ACOT2: variants seen among roughly 807,000 people sequenced by gnomAD.
ACOT2 encodes acyl-coenzyme A thioesterase 2, mitochondrial.
A neutral mutation model predicts 20.1 loss-of-function variants in ACOT2; 15 were observed. That is an observed-to-expected ratio of 0.75 (90% CI 0.50 to 1.15). The LOEUF (loss-of-function observed/expected upper bound fraction) is 1.15, where lower values mean the gene tolerates loss of function less well. Among genes scored for constraint, ACOT2 ranks in the 50% most tolerant of loss-of-function variants. ACOT2 has a pLI of 0.00. For missense variants in ACOT2, 479 were observed against 615.3 expected, an observed-to-expected ratio of 0.78 and a Z score of 2.34; for synonymous variants, 252 against 268.4, an observed-to-expected ratio of 0.94 and a Z score of 0.60.
rs759855280 is a variant in ACOT2, at chr14:73,569,638, G to C, written c.398G>C (p.Ser133Thr). The C allele has an allele frequency of 1.6e-4, 259 of 1,602,856 alleles. 2 individuals are homozygous for C. The highest frequency in any genetic ancestry group is 2.0e-4 in the Non-Finnish European group (234 of 1,176,394). The change falls in exon 1 of 3, where the codon AGC (serine) becomes ACC (threonine). Residue 133 changes from serine (S) to threonine (T), a missense_variant. Physicochemically the swap from Ser to Thr is moderately conservative, Grantham distance 58. Around this residue, in one of 4 missense-constraint regions of ACOT2, gnomAD observed 400 missense variants for 395.5 expected, o/e 1.01. Transcript: ENST00000238651. ...GAGCGCGCGCCCGCGCTGGGCGGCA[G>C]CTTCGCGGGGCTTGAGCCCATGGGG... The part of the protein sequence containing the change: ...DLERAPALGG[S>T]FAGLEPMGLL...
chr14:73,570,336 T>G (rs1371981797), intron 1 of ACOT2, among the ~76,000 whole-genome samples: 1 of 151,568 alleles, frequency 6.6e-6, no homozygotes, highest in African/African-American at 2.4e-5. Flanking sequence ...TTGGGAAGTC[T>G]CGGCGGGCAG....
chr14:73,571,976 C>T (rs1239132264), intron 1 of ACOT2, among the ~76,000 whole-genome samples: 2 of 151,302 alleles, frequency 1.3e-5, no homozygotes, highest in African/African-American at 4.9e-5. Context: ...CAACAGAGTA[C>T]ATTTCACACC....
Position 73,569,380 on chromosome 14 carries a change from C to T in ACOT2, c.140C>T (p.Ser47Phe). ...AAGAGTTCGGCGCAGTTCCTGGGGTCTCCACAGCTGAGGCAGGTTGGTCAG... is the reference window on the plus strand; with the variant it reads ...AAGAGTTCGGCGCAGTTCCTGGGGTTTCCACAGCTGAGGCAGGTTGGTCAG... ...SLKSSAQFLG[S>F]PQLRQVGQII... Residue 47 changes from serine (S) to phenylalanine (F), a missense_variant, in exon 1 of 3, where the codon TCT (serine) becomes TTT (phenylalanine). Ser to Phe is a radical substitution (Grantham distance 155). Around this residue, in one of 4 missense-constraint regions of ACOT2, gnomAD observed 400 missense variants for 395.5 expected, o/e 1.01. Coordinates refer to ENST00000238651, the MANE Select transcript of ACOT2 (RefSeq NM_006821.6). 3.1e-6 allele frequency: 5 copies of T among 1,613,988 alleles called. No individual in the cohort carries two copies. The highest frequency in any genetic ancestry group is 4.2e-6 in the Non-Finnish European group (5 of 1,179,806).
chr14:73,572,668 GAC>G (rs1595170588), intron 1 of ACOT2, among the ~76,000 whole-genome samples: 1 of 120,802 alleles, frequency 8.3e-6, no homozygotes, highest in African/African-American at 3.0e-5. Context: ...TTTTTTTTGA[GAC>G]AGTGTCTCGC....
intron 1 of ACOT2, among the ~76,000 whole-genome samples, chr14:73,570,869 C>G (rs1889721139): frequency 6.8e-6 from 1 of 147,728 alleles, no homozygotes; most frequent in Admixed American, 6.8e-5. Flanking sequence ...CATGCCATTG[C>G]ACTCCAGCCT....
chr14:73,569,177 C>A, upstream of ACOT2: 1 of 1,574,998 alleles, frequency 6.3e-7, no homozygotes. Flanking sequence ...CTGGCCTTCC[C>A]CGCTCACGTT....
chr14:73,574,497 A>C, intron 2 of ACOT2: 1 of 340,366 alleles, frequency 2.9e-6, no homozygotes, highest in South Asian at 2.8e-5. Flanking sequence ...TCCTGACCTC[A>C]AATGATCCAC....
At position 73,569,892 on chromosome 14, in the gene ACOT2, C is replaced by A. The variant is rs755055503; in HGVS notation, c.643+9C>A. ...GCTCTTCCTGCCGCCAGGTGACTCA[C>A]CTCCGCTAATTGTTCCGTGTTCGTT... On this transcript the variant is annotated intron_variant, in intron 1 of 2. Coordinates refer to ENST00000238651, the MANE Select transcript of ACOT2 (RefSeq NM_006821.6). The A allele has an allele frequency of 3.6e-5, 58 of 1,600,930 alleles. No individual in the cohort carries two copies. The highest frequency in any genetic ancestry group is 4.7e-5 in the Non-Finnish European group (55 of 1,174,738).
upstream of ACOT2, chr14:73,568,226 G>A (rs1438941333): frequency 2.0e-5 from 3 of 152,050 alleles, no homozygotes; most frequent in African/African-American, 7.2e-5. Flanking sequence ...AGCCTTATTA[G>A]GAGCAGAGGC....
At chr14:73,570,007 A>G in intron 1 of ACOT2, 124 bp downstream of exon 1, 4 of 1,394,068 alleles carry the variant, frequency 2.9e-6, no homozygotes, top group South Asian at 3.0e-5. Context: ...TTGCCCAGGC[A>G]GGTTTCGAAT....
chr14:73,575,176 C>A lies in ACOT2; in HGVS notation c.1115C>A (p.Pro372His), dbSNP rs1889854717. The A allele has an allele frequency of 8.8e-7, 1 of 1,136,414 alleles. No homozygotes were observed. The highest frequency in any genetic ancestry group is 1.9e-5 in the African/African-American group (1 of 51,368). 70.4% of individuals were successfully genotyped at this position (1,136,414 alleles called of 1,614,324 possible). Residue 372 changes from proline (P) to histidine (H), a missense_variant, in exon 3 of 3, where the codon CCT becomes CAT. By Grantham distance (77) the Pro-to-His change is moderately conservative. Transcript: ENST00000238651. ...GGACCTGACCAGAAGAGCTTCATTC[C>A]TGTGGAAAGGGCAGAGAGCACCTTC... The part of the protein sequence containing the change: ...LEGPDQKSFI[P>H]VERAESTFLF...
At position 73,575,359 on chromosome 14, in the gene ACOT2, G is replaced by C; in HGVS notation, c.1298G>C (p.Arg433Pro). The C allele has an allele frequency of 9.4e-7, 1 of 1,062,818 alleles. No homozygotes were observed. The highest frequency in any genetic ancestry group is 1.3e-6 in the Non-Finnish European group (1 of 763,276). 65.8% of individuals were successfully genotyped at this position (1,062,818 alleles called of 1,614,324 possible). A position where few individuals can be genotyped will look rare whatever the true frequency, so the allele number is the denominator to read the frequency against. ...GAGCCTCCTTACTTCCCCCTGTGTCGGGCTTCCCTGCATGCCTTGGTGGGC... is the reference window on the plus strand; with the variant it reads ...GAGCCTCCTTACTTCCCCCTGTGTCCGGCTTCCCTGCATGCCTTGGTGGGC... ...YIEPPYFPLCRASLHALVGSP... is the reference protein window; with the variant it reads ...YIEPPYFPLCPASLHALVGSP... The change falls in exon 3 of 3, where the codon CGG becomes CCG. Residue 433 changes from arginine to proline, a missense_variant. Around this residue, in one of 4 missense-constraint regions of ACOT2, gnomAD observed 40 missense variants for 93.4 expected, o/e 0.43. Transcript: ENST00000238651.
intron 1 of ACOT2, among the ~76,000 whole-genome samples, chr14:73,572,949 A>C (rs11625677): frequency 0.14 from 21,770 of 151,444 alleles, 2,435 homozygotes; most frequent in Non-Finnish European, 0.22. Flanking sequence ...CCCAGCCTGC[A>C]TTATTACTAT....
In ACOT2 at chr14:73,570,921, A is replaced by T. The variant is rs1053263952; in HGVS notation, c.643+1038A>T. 3.0e-3 allele frequency among the ~76,000 whole-genome samples: 408 copies of T among 137,706 alleles called. 1 individual carries two copies. Among genetic ancestry groups the T allele is most frequent in the African/African-American group, 0.01 (374 of 37,394 alleles). 90.3% of individuals were successfully genotyped at this position (137,706 alleles called of 152,430 possible). A position where few individuals can be genotyped will look rare whatever the true frequency, so the allele number is the denominator to read the frequency against. On this transcript the variant is annotated intron_variant, in intron 1 of 2. Transcript: ENST00000238651. ...TCTATCTTAAAAAAAAAAAAAAAAA[A>T]TTCAGGTAGTTTCAATTTTTTAATG...
upstream of ACOT2, chr14:73,567,647 ATGGAAGCTT>A (rs2078292960): frequency 6.6e-6 from 1 of 152,044 alleles, no homozygotes; most frequent in South Asian, 2.1e-4. Context: ...CTCCAGGCTG[ATGGAAGCTT>A]TGTTCTTTTG....
At chr14:73,574,872 A>T (rs755703503) in intron 2 of ACOT2, 36 bp from the exon 3 acceptor site, 1 of 1,613,254 alleles carries the variant, frequency 6.2e-7, no homozygotes, top group African/African-American at 1.3e-5. Context: ...TGTTTGTGGA[A>T]TCATTCTTCT....
At chr14:73,574,558 C>A (rs576743388) in intron 2 of ACOT2, among the ~76,000 whole-genome samples, 2 of 151,950 alleles carry the variant, frequency 1.3e-5, no homozygotes, top group African/African-American at 4.8e-5. Flanking sequence ...CCACCACTCC[C>A]GGCCATGAGA....
chr14:73,569,786 G>A lies in ACOT2; in HGVS notation c.546G>A (p.Leu182=), dbSNP rs780141009. ...DGHDPDPGRL[L]CQTRHERYFL... is the part of the protein sequence containing the mutation. ...ACGACCCCGACCCCGGGCGGCTGCT[G>A]TGCCAGACGCGGCACGAGCGCTACT... Residue 182 remains leucine (L), a synonymous_variant, in exon 1 of 3, where the codon CTG becomes CTA. Transcript: ENST00000238651. The A allele has an allele frequency of 6.2e-7, 1 of 1,605,296 alleles. No homozygotes were observed. Among genetic ancestry groups the A allele is most frequent in the Admixed American group, 1.7e-5 (1 of 59,540 alleles).
upstream of ACOT2, chr14:73,567,933 G>A (rs1889634299): frequency 6.6e-6 from 1 of 152,072 alleles, no homozygotes; most frequent in Admixed American, 6.6e-5. Context: ...AACATCAGAG[G>A]AAACAAACTC....
Sources: allele counts gnomAD v4.1 joint callset (sites outside exome capture counted in the v4.1 genomes callset), GRCh38; gene constraint gnomAD v4.1.1; regional missense constraint gnomAD v4.1.1; transcripts MANE v1.5; gene names NCBI Gene and HGNC (gene_info 2026-07-23, HGNC 2026-07-21).